The following POLE variants were observed in gnomAD, a reference collection of about 807,000 sequenced individuals.
POLE encodes the protein DNA polymerase epsilon catalytic subunit A.
POLE carries 188 observed loss-of-function variants against 279.2 expected under a neutral mutation model. The ratio of observed to expected loss-of-function variants is 0.67; its 90% CI spans 0.60 to 0.76. The LOEUF (loss-of-function observed/expected upper bound fraction) is 0.76. Ranked by LOEUF, POLE falls within the 30% of genes least tolerant of loss-of-function variation. POLE has a pLI of 0.00. For missense variants in POLE, 2,703 were observed against 3,016.7 expected, an observed-to-expected ratio of 0.90 and a Z score of 2.44; for synonymous variants, 1,214 against 1,172.5, an observed-to-expected ratio of 1.04 and a Z score of -0.72.
Position 132,638,105 on chromosome 12 carries a change from C to T in POLE, c.5587G>A (p.Val1863Ile), listed in dbSNP as rs780000018. 10 of 1,613,986 alleles carry T rather than the reference C, an allele frequency of 6.2e-6. No individual in the cohort carries two copies. Among genetic ancestry groups the T allele is most frequent in the Non-Finnish European group, 8.5e-7 (1 of 1,179,986 alleles). ...ATGCGGTTGAAGTTGGCGTAGATGACTGATGACCCCAGGCGCTTGAACTCA... is the reference window on the plus strand; with the variant it reads ...ATGCGGTTGAAGTTGGCGTAGATGATTGATGACCCCAGGCGCTTGAACTCA... The part of the protein sequence containing the change: ...IAEFKRLGSS[V>I]IYANFNRIIL... Residue 1863 changes from valine (V) to isoleucine (I), a missense_variant, in exon 41 of 49, where the codon GTC (valine) becomes ATC (isoleucine). This residue lies in a region of POLE where 1,551 missense variants were observed against 1,686.1 expected (regional missense o/e 0.92). Transcript: ENST00000320574.
At chr12:132,682,822 G>A (rs1257951185) in intron 1 of POLE, among the ~76,000 whole-genome samples, 7 of 151,946 alleles carry the variant, frequency 4.6e-5, no homozygotes, top group African/African-American at 1.7e-4. Context: ...GCGTGGTGGC[G>A]GGCGCCTGTA....
chr12:132,647,419 A>T (rs2042311056), intron 32 of POLE, among the ~76,000 whole-genome samples: 1 of 152,148 alleles, frequency 6.6e-6, no homozygotes, highest in African/African-American at 2.4e-5. Flanking sequence ...ATTAAAAATA[A>T]TTTAAAGGGA....
Position 132,632,444 on chromosome 12 carries a change from A to G in POLE, c.6201T>C (p.Thr2067=), listed in dbSNP as rs983980599. Reference sequence around the variant, plus strand: ...CTGTGACTTTCTTCTGAATCTTCTGAGTGATGGTGAAGAAGCTCTGAGTGA... The same window carrying G: ...CTGTGACTTTCTTCTGAATCTTCTGGGTGATGGTGAAGAAGCTCTGAGTGA... ...NELTQSFFTI[T]QKIQKKVTGS... Residue 2067 remains threonine (T), a synonymous_variant, in exon 45 of 49, where the codon ACT becomes ACC. Coordinates refer to ENST00000320574, the MANE Select transcript of POLE (RefSeq NM_006231.4). 1.7e-5 allele frequency: 27 copies of G among 1,613,730 alleles called. No homozygotes were observed. The highest frequency in any genetic ancestry group is 2.1e-5 in the Non-Finnish European group (25 of 1,179,792).
intron 38 of POLE, 42 bp from the exon 39 acceptor site, chr12:132,641,893 T>G (rs1279413269): frequency 1.3e-6 from 2 of 1,583,312 alleles, no homozygotes; most frequent in Non-Finnish European, 1.7e-6. Flanking sequence ...TCCTGCCAGC[T>G]CCAGCACCAC....
Position 132,675,675 on chromosome 12 carries a change from C to G in POLE, c.1106+60G>C, listed in dbSNP as rs549821536. ...GTCGACATGGGAAGCGCCCCTGCAC[C>G]ACGCAACGCCCTCCCTCTCAAATGC... On this transcript the variant is annotated intron_variant, in intron 11 of 48. Transcript: ENST00000320574. The surrounding 1 kb of genome is among the most constrained non-coding windows in gnomAD (Gnocchi z 4.3). 1 of 1,567,580 alleles carries G rather than the reference C, an allele frequency of 6.4e-7. No homozygotes were observed. Among genetic ancestry groups the G allele is most frequent in the Non-Finnish European group, 8.8e-7 (1 of 1,138,610 alleles).
In POLE at chr12:132,636,040, T is replaced by G. The variant is rs2138487695; in HGVS notation, c.5679-16A>C. On this transcript the variant is annotated splice_polypyrimidine_tract_variant and intron_variant, in intron 41 of 48. Coordinates refer to ENST00000320574, the MANE Select transcript of POLE (RefSeq NM_006231.4). The stretch of plus-strand genomic sequence containing the variant: ...TGAATGGATGCTGCAGAGGAAGCAT[T>G]GAAGACGCTGCTTCAGTGAAATCGA... The G allele has an allele frequency of 1.2e-6, 2 of 1,607,158 alleles. No individual in the cohort carries two copies. Among genetic ancestry groups the G allele is most frequent in the Non-Finnish European group, 1.7e-6 (2 of 1,176,838 alleles).
intron 45 of POLE, among the ~76,000 whole-genome samples, chr12:132,628,163 G>C (rs567103981): frequency 6.6e-6 from 1 of 152,024 alleles, no homozygotes; most frequent in African/African-American, 2.4e-5. Context: ...CTAACATGGT[G>C]AAACCCTGTC....
intron 25 of POLE, chr12:132,660,657 A>C (rs925353069): frequency 8.0e-6 from 2 of 248,570 alleles, no homozygotes; most frequent in African/African-American, 4.4e-5. Context: ...TGGTGCAGTC[A>C]CGGCTCACTG....
Position 132,675,386 on chromosome 12 carries a change from T to C in POLE, c.1226+12A>G, listed in dbSNP as rs1045454776. The stretch of plus-strand genomic sequence containing the variant: ...ACAGCAGTGAGGAGCCATGCTGCTC[T>C]GTGGCCCCTACCTGAGGCAGTCCAT... On this transcript the variant is annotated intron_variant, in intron 12 of 48. Transcript: ENST00000320574. The surrounding 1 kb of genome is among the most constrained non-coding windows in gnomAD (Gnocchi z 4.3). 1 of 1,613,664 alleles carries C rather than the reference T, an allele frequency of 6.2e-7. No individual in the cohort carries two copies. The highest frequency in any genetic ancestry group is 8.5e-7 in the Non-Finnish European group (1 of 1,179,806).
intron 32 of POLE, among the ~76,000 whole-genome samples, chr12:132,644,347 G>A (rs543429530): frequency 8.9e-3 from 294 of 32,950 alleles, no homozygotes; most frequent in Admixed American, 0.013. Flanking sequence ...TTTTTTTTTT[G>A]TAGAAAGGAG....
At chr12:132,644,418 G>A (rs538884481) in intron 32 of POLE, among the ~76,000 whole-genome samples, 3 of 90,480 alleles carry the variant, frequency 3.3e-5, no homozygotes, top group South Asian at 4.0e-4. Context: ...CTCCCAAATC[G>A]CTGGAACTGC....
chr12:132,625,423 G>C (rs533958647), intron 47 of POLE: 31 of 763,684 alleles, frequency 4.1e-5, no homozygotes, highest in African/African-American at 3.5e-4. Context: ...CCTTCCGCTA[G>C]AACGAAGCAC....
rs1042964376 is a variant in POLE, at chr12:132,624,566, G to A, written c.*131C>T. The stretch of plus-strand genomic sequence containing the variant: ...AATGGTTTTCTTTGGTTTCCTCCCC[G>A]TTCCCTGGCCTGGGGTCACAGGTTT... On this transcript the variant is annotated 3_prime_UTR_variant, in exon 49 of 49. Coordinates refer to ENST00000320574, the MANE Select transcript of POLE (RefSeq NM_006231.4). 11 of 715,954 alleles carry A rather than the reference G, an allele frequency of 1.5e-5. No individual in the cohort carries two copies. The highest frequency in any genetic ancestry group is 5.2e-5 in the African/African-American group (3 of 57,384). 44.4% of individuals were successfully genotyped at this position (715,954 alleles called of 1,614,324 possible).
chr12:132,664,505 C>T lies in POLE; in HGVS notation c.2469-43G>A. On this transcript the variant is annotated intron_variant, in intron 21 of 48. Coordinates refer to ENST00000320574, the MANE Select transcript of POLE (RefSeq NM_006231.4). The surrounding 1 kb of genome is among the most constrained non-coding windows in gnomAD (Gnocchi z 5.3). ...ACTGGTGGGTGGGGCTGGCATGGCT[C>T]CTCCAGGGGGTATCAGAGGCAGTGA... The T allele has an allele frequency of 6.9e-7, 1 of 1,458,560 alleles. No homozygotes were observed. Among genetic ancestry groups the T allele is most frequent in the East Asian group, 2.3e-5 (1 of 44,136 alleles). 90.4% of individuals were successfully genotyped at this position (1,458,560 alleles called of 1,614,324 possible). A position where few individuals can be genotyped will look rare whatever the true frequency, so the allele number is the denominator to read the frequency against.
At position 132,664,378 on chromosome 12, in the gene POLE, C is replaced by T. The variant is rs1286848399; in HGVS notation, c.2553G>A (p.Glu851=). The change falls in exon 22 of 49, where the codon GAG becomes GAA. Residue 851 remains glutamate (E), a synonymous_variant. Coordinates refer to ENST00000320574, the MANE Select transcript of POLE (RefSeq NM_006231.4). This position sits in a 1 kb window ranked among gnomAD's most constrained non-coding sequence, Gnocchi z 5.3. ...NIITQARELI[E]QIGRPLELDT... is the part of the protein sequence containing the mutation. ...TCCCCTTCTGCACTCACCCAATCTG[C>T]TCGATCAGCTCCCGTGCCTGGGTGA... 1.2e-6 allele frequency: 2 copies of T among 1,613,694 alleles called. No homozygotes were observed. Among genetic ancestry groups the T allele is most frequent in the Admixed American group, 3.3e-5 (2 of 60,010 alleles).
chr12:132,658,139 C>T (rs2042588528), intron 26 of POLE, 169 bp from the exon 27 acceptor site: 2 of 552,658 alleles, frequency 3.6e-6, no homozygotes, highest in Non-Finnish European at 6.4e-6. Flanking sequence ...ACAGGTTCCT[C>T]GGGGAGTAAC....
At position 132,677,891 on chromosome 12, in the gene POLE, G is replaced by A. The variant is rs961925742; in HGVS notation, c.579-172C>T. Among the ~76,000 whole-genome samples, 7 of 152,166 alleles carry A rather than the reference G, an allele frequency of 4.6e-5. No individual in the cohort carries two copies. The East Asian group carries it at 1.2e-3, about 25-fold the overall frequency. On this transcript the variant is annotated intron_variant, in intron 6 of 48. Coordinates refer to ENST00000320574, the MANE Select transcript of POLE (RefSeq NM_006231.4). ...CAGTCCTTCCTTTAAGAATGGCTTG[G>A]ACTGGGCCAGGCGTGGCAGCTCACG...
chr12:132,674,975 C>T (rs571960828), intron 12 of POLE, among the ~76,000 whole-genome samples: 15 of 152,234 alleles, frequency 9.9e-5, no homozygotes, highest in Admixed American at 7.8e-4. Flanking sequence ...AGCCCCCGAA[C>T]GCCGTGACTC....
chr12:132,641,932 A>G lies in POLE; in HGVS notation c.5174-81T>C. 6 of 1,354,030 alleles carry G rather than the reference A, an allele frequency of 4.4e-6. 1 individual carries two copies. In the South Asian group the frequency reaches 7.2e-5, roughly 16 times the overall value. The allele number at this position is 1,354,030 out of a possible 1,614,324, so 83.9% of individuals were successfully genotyped here. A position where few individuals can be genotyped will look rare whatever the true frequency, so the allele number is the denominator to read the frequency against. On this transcript the variant is annotated intron_variant, in intron 38 of 48. Coordinates refer to ENST00000320574, the MANE Select transcript of POLE (RefSeq NM_006231.4). ...CCCCCTGGGCCTGACTCCAGCCACC[A>G]CCACCTCCAGAACCAGCAACAGACC...
Sources: allele counts gnomAD v4.1 joint callset (sites outside exome capture counted in the v4.1 genomes callset), GRCh38; gene constraint gnomAD v4.1.1; regional missense constraint gnomAD v4.1.1; non-coding constraint Gnocchi (gnomAD v3.1); transcripts MANE v1.5; gene names NCBI Gene and HGNC (gene_info 2026-07-23, HGNC 2026-07-21).